WBP1L: variants seen among roughly 807,000 people sequenced by gnomAD.
WBP1L encodes the protein WW domain binding protein 1 like.
WBP1L carries 17 observed loss-of-function variants against 33.7 expected under a neutral mutation model. The observed-to-expected ratio is 0.50, with a 90% confidence interval of 0.34 to 0.76. The LOEUF (loss-of-function observed/expected upper bound fraction) is 0.76, where lower values mean the gene tolerates loss of function less well. Among genes scored for constraint, WBP1L ranks in the 30% least tolerant of loss-of-function variants. The probability of loss-of-function intolerance (pLI) is 0.01; values close to 1 mark genes in which losing one functional copy is unlikely to be tolerated. For missense variants in WBP1L, 389 were observed against 469.4 expected (o/e 0.83, Z 1.58); for synonymous variants, 173 against 190.8 (o/e 0.91, Z 0.77).
At chr10:102,777,795 C>T (rs1046492703) in intron 1 of WBP1L, among the ~76,000 whole-genome samples, 1 of 152,062 alleles carries the variant, frequency 6.6e-6, no homozygotes, top group African/African-American at 2.4e-5. Flanking sequence ...GAACTCCTGA[C>T]CTCCGGTGAT....
At chr10:102,751,101 A>G (rs1279690268) in intron 1 of WBP1L, among the ~76,000 whole-genome samples, 1 of 151,348 alleles carries the variant, frequency 6.6e-6, no homozygotes, top group Admixed American at 6.6e-5. Flanking sequence ...CCTGGGTTCA[A>G]GTGATTCTCC....
intron 1 of WBP1L, among the ~76,000 whole-genome samples, chr10:102,766,659 C>G (rs149740189): frequency 1.3e-4 from 19 of 151,082 alleles, no homozygotes; most frequent in African/African-American, 4.6e-4. Flanking sequence ...ATGGTGAAAC[C>G]ATGTCTCTAT....
intron 1 of WBP1L, among the ~76,000 whole-genome samples, chr10:102,754,989 GC>G (rs1842959102): frequency 6.6e-6 from 1 of 151,016 alleles, no homozygotes; most frequent in South Asian, 2.1e-4. Flanking sequence ...TCGCTCTGTC[GC>G]CCAGGCTGGA....
At chr10:102,783,802 A>G (rs979268712) in intron 1 of WBP1L, among the ~76,000 whole-genome samples, 53 of 152,210 alleles carry the variant, frequency 3.5e-4, no homozygotes, top group African/African-American at 1.2e-3. Flanking sequence ...TCCAAATGTC[A>G]GTAGGGCTAA....
In WBP1L at chr10:102,812,936, C is replaced by T; in HGVS notation, c.697C>T (p.Leu233=). 1.3e-6 allele frequency: 2 copies of T among 1,597,712 alleles called. No homozygotes were observed. Among genetic ancestry groups the T allele is most frequent in the Non-Finnish European group, 1.7e-6 (2 of 1,169,086 alleles). Residue 233 remains leucine (L), a synonymous_variant, in exon 4 of 4, where the codon CTG becomes TTG. Transcript: ENST00000448841. ...GGGGGAGCTGGACCCGGGGGCCTTCCTGGACAAAGATGCAGAATGTAGGGA... is the reference window on the plus strand; with the variant it reads ...GGGGGAGCTGGACCCGGGGGCCTTCTTGGACAAAGATGCAGAATGTAGGGA... ...GLGELDPGAF[L]DKDAECREEL...
intron 1 of WBP1L, among the ~76,000 whole-genome samples, chr10:102,797,111 C>T (rs549898435): frequency 4.9e-4 from 74 of 152,222 alleles, no homozygotes; most frequent in Non-Finnish European, 9.1e-4. Context: ...CTGAGCAGTT[C>T]GGCCCTTTAT....
At chr10:102,802,789 C>T (rs963343118) in intron 2 of WBP1L, among the ~76,000 whole-genome samples, 1 of 152,220 alleles carries the variant, frequency 6.6e-6, no homozygotes, top group African/African-American at 2.4e-5. Flanking sequence ...AGCCACCACA[C>T]TGGGCCCTGT....
intron 1 of WBP1L, among the ~76,000 whole-genome samples, chr10:102,747,358 C>CAAAAAA (rs71019610): frequency 3.7e-4 from 29 of 78,922 alleles, no homozygotes; most frequent in Non-Finnish European, 5.7e-4. Flanking sequence ...GACTCCGTCT[C>CAAAAAA]AAAAAAAAAA....
intron 1 of WBP1L, among the ~76,000 whole-genome samples, chr10:102,765,989 T>G (rs1843101318): frequency 6.6e-6 from 1 of 152,162 alleles, no homozygotes; most frequent in Non-Finnish European, 1.5e-5. Flanking sequence ...TAAATAACAG[T>G]GAAAGATGAA....
intron 2 of WBP1L, among the ~76,000 whole-genome samples, chr10:102,800,821 C>A (rs986073606): frequency 6.6e-6 from 1 of 152,168 alleles, no homozygotes; most frequent in African/African-American, 2.4e-5. Context: ...TCAACTTTGC[C>A]TGAAGTGTGA....
chr10:102,772,558 C>CTTTTTTTTTTTTTTTTTTT (rs34624231), intron 1 of WBP1L, among the ~76,000 whole-genome samples: 1 of 64,714 alleles, frequency 1.5e-5, no homozygotes, highest in Non-Finnish European at 3.1e-5. Context: ...ATGCCCGGCC[C>CTTTTTTTTTTTTTTTTTTT]TTTTTTTTTT....
intron 1 of WBP1L, among the ~76,000 whole-genome samples, chr10:102,763,250 T>C (rs1477543975): frequency 1.4e-5 from 2 of 145,944 alleles, no homozygotes; most frequent in African/African-American, 5.1e-5. Context: ...TGAAAGACAC[T>C]GGAGAGATAA....
chr10:102,799,673 C>T (rs954364103), intron 2 of WBP1L, among the ~76,000 whole-genome samples: 3 of 152,204 alleles, frequency 2.0e-5, no homozygotes, highest in South Asian at 2.1e-4. Context: ...TCATCACTGC[C>T]TCCATTTGGA....
Position 102,767,292 on chromosome 10 carries a change from G to A in WBP1L, c.90+23149G>A, listed in dbSNP as rs147576445. Among the ~76,000 whole-genome samples the A allele has an allele frequency of 4.7e-3, 711 of 152,266 alleles. 3 individuals are homozygous for A. The highest frequency in any genetic ancestry group is 0.027 in the Middle Eastern group (8 of 294). On this transcript the variant is annotated intron_variant, in intron 1 of 3. Transcript: ENST00000448841. ...AACAAAATGATTTTCTTGTTTGGGGGGTGGGGAGGCAAGAGGCAGAAACCT... is the reference window on the plus strand; with the variant it reads ...AACAAAATGATTTTCTTGTTTGGGGAGTGGGGAGGCAAGAGGCAGAAACCT...
At chr10:102,767,852 CTG>C (rs1002966353) in intron 1 of WBP1L, among the ~76,000 whole-genome samples, 6 of 152,158 alleles carry the variant, frequency 3.9e-5, no homozygotes, top group Non-Finnish European at 7.3e-5. Context: ...GAAAGAAAAA[CTG>C]TGCTGGTCAA....
At chr10:102,809,566 T>C (rs1405531674) in intron 2 of WBP1L, among the ~76,000 whole-genome samples, 1 of 151,092 alleles carries the variant, frequency 6.6e-6, no homozygotes, top group African/African-American at 2.4e-5. Context: ...GAGATGGGGG[T>C]TTCACCATGT....
chr10:102,800,232 C>T (rs1471635910), intron 2 of WBP1L, among the ~76,000 whole-genome samples: 1 of 152,178 alleles, frequency 6.6e-6, no homozygotes, highest in Non-Finnish European at 1.5e-5. Context: ...GCTGGGCTGC[C>T]AAAAAGCCAC....
At chr10:102,750,551 T>A (rs1378117863) in intron 1 of WBP1L, among the ~76,000 whole-genome samples, 1 of 151,508 alleles carries the variant, frequency 6.6e-6, no homozygotes, top group Non-Finnish European at 1.5e-5. Context: ...TTTGAAACGG[T>A]GTCTTGCTCC....
chr10:102,748,552 A>G (rs1256115027), intron 1 of WBP1L, among the ~76,000 whole-genome samples: 1 of 152,218 alleles, frequency 6.6e-6, no homozygotes, highest in Admixed American at 6.5e-5. Flanking sequence ...AAAGTGTAAA[A>G]TCAGCACCTT....
Sources: allele counts gnomAD v4.1 joint callset (sites outside exome capture counted in the v4.1 genomes callset), GRCh38; gene constraint gnomAD v4.1.1; transcripts MANE v1.5; gene names NCBI Gene and HGNC (gene_info 2026-07-23, HGNC 2026-07-21).